The following TSNARE1 variants were observed in gnomAD, a reference collection of about 807,000 sequenced individuals.
TSNARE1 encodes t-SNARE domain containing 1, also known as t-SNARE domain-containing protein 1.
In TSNARE1, 49 loss-of-function variants were observed where a neutral mutation model predicts 62.0. That is an observed-to-expected ratio of 0.79 (90% CI 0.63 to 1.00). TSNARE1 has a LOEUF of 1.00. TSNARE1 is among the 50% of genes least tolerant of loss of function. The probability of loss-of-function intolerance (pLI) is 0.00; values close to 1 mark genes in which losing one functional copy is unlikely to be tolerated. For missense variants in TSNARE1, 755 were observed against 700.1 expected (o/e 1.08, Z -0.88); for synonymous variants, 328 against 294.4 (o/e 1.11, Z -1.17).
chr8:142,288,179 C>T (rs1823093430), intron 10 of TSNARE1, among the ~76,000 whole-genome samples: 1 of 152,212 alleles, frequency 6.6e-6, no homozygotes, highest in Non-Finnish European at 1.5e-5. Flanking sequence ...AAGGCCGGGT[C>T]CAGTGCCTTT....
chr8:142,327,086 C>T (rs1002758309), intron 6 of TSNARE1, among the ~76,000 whole-genome samples: 9 of 152,166 alleles, frequency 5.9e-5, no homozygotes, highest in South Asian at 2.1e-4. Flanking sequence ...AAAGAGCCAC[C>T]GTATAACCCA....
chr8:142,222,940 T>C lies in TSNARE1; in HGVS notation c.*11+6533A>G, dbSNP rs138273916. 1.3e-3 allele frequency among the ~76,000 whole-genome samples: 91 copies of C among 71,860 alleles called. 2 individuals carry two copies. The highest frequency in any genetic ancestry group is 7.7e-3 in the East Asian group (9 of 1,176). The allele number at this position is 71,860 out of a possible 152,430, so 47.1% of individuals were successfully genotyped here. ...TTCACTCATTCACTCATCCACTCAT[T>C]CACTCACTCATCCACTCACTCACTC... On this transcript the variant is annotated intron_variant, in intron 13 of 13. Transcript: ENST00000524325.
At chr8:142,297,052 G>T (rs1473359211) in intron 10 of TSNARE1, among the ~76,000 whole-genome samples, 1 of 152,218 alleles carries the variant, frequency 6.6e-6, no homozygotes, top group African/African-American at 2.4e-5. Flanking sequence ...GACAGAGAGC[G>T]ACCTTCCACC....
intron 12 of TSNARE1, among the ~76,000 whole-genome samples, chr8:142,251,571 G>A (rs1458880884): frequency 6.6e-6 from 1 of 152,180 alleles, no homozygotes; most frequent in African/African-American, 2.4e-5. Flanking sequence ...TATTCTGAGA[G>A]CACACATCAG....
intron 4 of TSNARE1, among the ~76,000 whole-genome samples, chr8:142,332,760 G>A (rs1267710372): frequency 3.3e-5 from 5 of 152,110 alleles, no homozygotes; most frequent in Non-Finnish European, 5.9e-5. Flanking sequence ...GAGGAGCAGA[G>A]CACACATCAA....
chr8:142,278,584 C>G (rs1229153871), intron 11 of TSNARE1: 1 of 985,144 alleles, frequency 1.0e-6, no homozygotes, highest in Non-Finnish European at 1.2e-6. Flanking sequence ...TGGGAGGAGG[C>G]ACGGAGGCGG....
chr8:142,278,065 T>C (rs1481043732), intron 11 of TSNARE1: 4 of 985,250 alleles, frequency 4.1e-6, no homozygotes, highest in Non-Finnish European at 4.8e-6. Flanking sequence ...TGCACAGGCC[T>C]GAGAGGACCC....
At chr8:142,238,755 C>CCGCCCCTG (rs1563769448) in intron 12 of TSNARE1, among the ~76,000 whole-genome samples, 16 of 148,880 alleles carry the variant, frequency 1.1e-4, no homozygotes, top group East Asian at 2.0e-4. Flanking sequence ...CCCTGCACGC[C>CCGCCCCTG]CACCCCTGCA....
intron 1 of TSNARE1, among the ~76,000 whole-genome samples, chr8:142,380,331 C>T (rs1021110811): frequency 6.6e-6 from 1 of 152,206 alleles, no homozygotes; most frequent in Non-Finnish European, 1.5e-5. Context: ...TTCCGGGCAC[C>T]ACCGGACACA....
chr8:142,405,441 A>C (rs1236249007), upstream of TSNARE1: 1 of 152,010 alleles, frequency 6.6e-6, no homozygotes, highest in Non-Finnish European at 1.5e-5. Context: ...TCTGTTACCT[A>C]AGGGGGTGGG....
chr8:142,328,537 C>T (rs941323235), intron 6 of TSNARE1, among the ~76,000 whole-genome samples: 5 of 152,224 alleles, frequency 3.3e-5, no homozygotes, highest in African/African-American at 4.8e-5. Flanking sequence ...GGCAGGAGTG[C>T]TAACAGGCAG....
At chr8:142,322,934 G>C (rs1829690537) in intron 6 of TSNARE1, among the ~76,000 whole-genome samples, 1 of 149,518 alleles carries the variant, frequency 6.7e-6, no homozygotes, top group Non-Finnish European at 1.5e-5. Flanking sequence ...TGTTATGAAA[G>C]GCCGGCCTTA....
At chr8:142,391,820 AC>A (rs1231810486) in intron 1 of TSNARE1, among the ~76,000 whole-genome samples, 1 of 152,148 alleles carries the variant, frequency 6.6e-6, no homozygotes, top group Non-Finnish European at 1.5e-5. Context: ...TGCCTGGCTC[AC>A]CCTTGGCATG....
intron 10 of TSNARE1, among the ~76,000 whole-genome samples, chr8:142,297,937 A>G (rs1825045549): frequency 6.6e-6 from 1 of 152,244 alleles, no homozygotes. Flanking sequence ...GCTGGCATGA[A>G]GATCCACATC....
chr8:142,277,954 C>A (rs1170919302), intron 11 of TSNARE1: 24 of 985,304 alleles, frequency 2.4e-5, no homozygotes, highest in South Asian at 4.7e-5. Flanking sequence ...GAAGCACCCC[C>A]AAACCAGGTC....
intron 12 of TSNARE1, chr8:142,248,013 AT>A (rs1443716303): frequency 6.6e-6 from 1 of 152,268 alleles, no homozygotes; most frequent in Non-Finnish European, 1.5e-5. Flanking sequence ...AAAGGTGTGA[AT>A]GGCCCCTCCA....
chr8:142,349,930 G>A (rs531137293), intron 2 of TSNARE1, among the ~76,000 whole-genome samples: 6 of 148,898 alleles, frequency 4.0e-5, no homozygotes, highest in African/African-American at 7.4e-5. Flanking sequence ...GGGCTGGCAC[G>A]CTGGGACAAA....
intron 1 of TSNARE1, among the ~76,000 whole-genome samples, chr8:142,377,091 G>A (rs1348732053): frequency 3.9e-5 from 6 of 152,304 alleles, no homozygotes; most frequent in African/African-American, 1.4e-4. Context: ...CACCCTCAGA[G>A]CCCATCCCTC....
At chr8:142,327,150 A>C (rs1021824818) in intron 6 of TSNARE1, among the ~76,000 whole-genome samples, 1 of 152,264 alleles carries the variant, frequency 6.6e-6, no homozygotes, top group Non-Finnish European at 1.5e-5. Context: ...ACACCCACGC[A>C]AACACCTACC....
Sources: gnomAD v4.1 joint callset for allele counts (sites outside exome capture counted in the v4.1 genomes callset) on GRCh38, gnomAD v4.1.1 for gene constraint, MANE v1.5 for transcripts, NCBI Gene and HGNC (gene_info 2026-07-23, HGNC 2026-07-21) for gene names.